MCM9: variants seen among roughly 807,000 people sequenced by gnomAD.
The protein encoded by MCM9 is minichromosome maintenance 9 homologous recombination repair factor.
In MCM9, 55 loss-of-function variants were observed where a neutral mutation model predicts 72.8. The ratio of observed to expected loss-of-function variants is 0.76; its 90% confidence interval spans 0.61 to 0.95. MCM9 has a LOEUF of 0.95. Ranked by LOEUF, MCM9 falls within the 40% of genes least tolerant of loss-of-function variation. The pLI is 0.00. For synonymous variants in MCM9, 480 were observed against 503.4 expected (o/e 0.95, Z 0.62); for missense variants, 1,279 against 1,377.0 (o/e 0.93, Z 1.13).
chr6:118,843,455 C>G (rs1775537841), intron 9 of MCM9, among the ~76,000 whole-genome samples: 1 of 150,776 alleles, frequency 6.6e-6, no homozygotes, highest in African/African-American at 2.4e-5. Context: ...ATGGCGAAAC[C>G]CTGTCTCTAC....
chr6:118,853,063 G>A (rs943790199), intron 9 of MCM9, among the ~76,000 whole-genome samples: 4 of 151,958 alleles, frequency 2.6e-5, no homozygotes, highest in Non-Finnish European at 5.9e-5. Context: ...TAAACTTCTG[G>A]GTTGTTTATA....
At position 118,815,521 on chromosome 6, in the gene MCM9, G is replaced by T; in HGVS notation, c.2735C>A (p.Pro912His). The change falls in exon 14 of 14, where the codon CCT (proline) becomes CAT (histidine). Residue 912 changes from proline (P) to histidine (H), a missense_variant. Physicochemically the swap from Pro to His is moderately conservative, Grantham distance 77. Coordinates refer to ENST00000619706, the MANE Select transcript of MCM9 (RefSeq NM_017696.3). ...VEEPAIENVK[P>H]PGSPVAKLAK... is the part of the protein sequence containing the mutation. ...CAGTTTGGCCACAGGGGAACCTGGA[G>T]GCTTAACATTTTCAATTGCAGGCTC... 6.5e-7 allele frequency: 1 copy of T among 1,548,310 alleles called. No individual in the cohort carries two copies. Among genetic ancestry groups the T allele is most frequent in the Non-Finnish European group, 8.7e-7 (1 of 1,146,386 alleles).
At chr6:118,875,092 G>A (rs1228761416) in intron 8 of MCM9, among the ~76,000 whole-genome samples, 3 of 151,836 alleles carry the variant, frequency 2.0e-5, no homozygotes, top group East Asian at 3.9e-4. Flanking sequence ...CAGCCTGGGT[G>A]ACAAGAGTGA....
intron 9 of MCM9, among the ~76,000 whole-genome samples, chr6:118,838,574 G>A (rs941310722): frequency 4.0e-5 from 6 of 151,894 alleles, no homozygotes; most frequent in African/African-American, 7.3e-5. Context: ...ACAGGCACCC[G>A]CCACCACACC....
chr6:118,922,458 C>A (rs991308965), intron 4 of MCM9, among the ~76,000 whole-genome samples: 1 of 152,172 alleles, frequency 6.6e-6, no homozygotes, highest in South Asian at 2.1e-4. Flanking sequence ...TATGATTACT[C>A]CTTAGTAACA....
rs183780212 is a variant in MCM9, at chr6:118,836,955, T to C, written c.1326-7705A>G. Among the ~76,000 whole-genome samples, 46 of 152,302 alleles carry C rather than the reference T, an allele frequency of 3.0e-4. No homozygotes were observed. The East Asian group carries it at 7.7e-3, about 26-fold the overall frequency. On this transcript the variant is annotated intron_variant, in intron 9 of 13. Coordinates refer to ENST00000619706, the MANE Select transcript of MCM9 (RefSeq NM_017696.3). ...ATAATTGCTTCTCTAGTTCTTTCAA[T>C]TGTGATGTTGGGGTGCTGAATTTAG...
chr6:118,843,639 A>T (rs1361625178), intron 9 of MCM9, among the ~76,000 whole-genome samples: 200 of 3,428 alleles, frequency 0.058, 4 homozygotes, highest in African/African-American at 0.11. Context: ...AACAAAACAA[A>T]ACATATATAT....
intron 8 of MCM9, among the ~76,000 whole-genome samples, chr6:118,892,801 T>C (rs1779034333): frequency 6.6e-6 from 1 of 152,198 alleles, no homozygotes; most frequent in Non-Finnish European, 1.5e-5. Flanking sequence ...AAAAGGGAAC[T>C]CTTCCCCACT....
At chr6:118,891,397 T>C (rs928328419) in intron 8 of MCM9, among the ~76,000 whole-genome samples, 17 of 152,196 alleles carry the variant, frequency 1.1e-4, no homozygotes, top group Admixed American at 3.3e-4. Flanking sequence ...AGAGCTGCCA[T>C]AACAAAATAT....
At chr6:118,890,480 T>A (rs1778871504) in intron 8 of MCM9, among the ~76,000 whole-genome samples, 1 of 152,218 alleles carries the variant, frequency 6.6e-6, no homozygotes, top group African/African-American at 2.4e-5. Context: ...TATTTTAACA[T>A]AACTGGTTAC....
intron 9 of MCM9, among the ~76,000 whole-genome samples, chr6:118,853,099 C>G (rs1011271722): frequency 4.6e-5 from 7 of 152,080 alleles, no homozygotes; most frequent in African/African-American, 1.7e-4. Context: ...ATGAACAAAG[C>G]TGCTATAAAC....
intron 8 of MCM9, among the ~76,000 whole-genome samples, chr6:118,864,979 G>A (rs1283343801): frequency 6.6e-6 from 1 of 152,182 alleles, no homozygotes; most frequent in Non-Finnish European, 1.5e-5. Flanking sequence ...AGTTAAAGAG[G>A]CAGACAAATA....
intron 9 of MCM9, among the ~76,000 whole-genome samples, chr6:118,846,804 C>T (rs1052236013): frequency 6.6e-6 from 1 of 151,812 alleles, no homozygotes; most frequent in Non-Finnish European, 1.5e-5. Context: ...TCCAACCTCA[C>T]CATCACCTTA....
chr6:118,830,494 C>A (rs1195712173), intron 9 of MCM9, among the ~76,000 whole-genome samples: 1 of 152,092 alleles, frequency 6.6e-6, no homozygotes, highest in African/African-American at 2.4e-5. Context: ...CTGGACAGTC[C>A]ACATCTTATA....
At position 118,815,343 on chromosome 6, in the gene MCM9, T is replaced by G; in HGVS notation, c.2913A>C (p.Pro971=). The change falls in exon 14 of 14, where the codon CCA becomes CCC. Residue 971 remains proline (P), a synonymous_variant. Coordinates refer to ENST00000619706, the MANE Select transcript of MCM9 (RefSeq NM_017696.3). ...RRDAALPVKR[P]GKLTSTPGNQ... ...TTCCTGGGGTAGATGTTAACTTTCC[T>G]GGACGCTTCACCGGCAAGGCTGCGT... The G allele has an allele frequency of 6.4e-7, 1 of 1,550,404 alleles. No individual in the cohort carries two copies. The highest frequency in any genetic ancestry group is 1.2e-5 in the South Asian group (1 of 84,034).
chr6:118,880,048 C>CA (rs1562421357), intron 8 of MCM9, among the ~76,000 whole-genome samples: 2 of 140,932 alleles, frequency 1.4e-5, no homozygotes, highest in Non-Finnish European at 3.1e-5. Context: ...AAACAAACAA[C>CA]AACAAAAAAA....
At chr6:118,859,725 T>C (rs1776787748) in intron 8 of MCM9, among the ~76,000 whole-genome samples, 1 of 152,166 alleles carries the variant, frequency 6.6e-6, no homozygotes, top group South Asian at 2.1e-4. Flanking sequence ...AAATCTACTC[T>C]TGCTTCTGGC....
In MCM9 at chr6:118,815,506, ACAGGGGAAC is replaced by A. The variant is rs1773355003; in HGVS notation, c.2741_2749del (p.Gly914_Pro916del). 1 of 1,547,912 alleles carries A rather than the reference ACAGGGGAAC, an allele frequency of 6.5e-7. No homozygotes were observed. Among genetic ancestry groups the A allele is most frequent in the African/African-American group, 1.4e-5 (1 of 72,942 alleles). Reference sequence around the variant, plus strand: ...GAAAGTAAATTTTGCCAGTTTGGCCACAGGGGAACCTGGAGGCTTAACATTTTCAATTGC... The same window carrying A: ...GAAAGTAAATTTTGCCAGTTTGGCCACTGGAGGCTTAACATTTTCAATTGC... On this transcript the variant is annotated inframe_deletion, in exon 14 of 14. Transcript: ENST00000619706.
intron 9 of MCM9, among the ~76,000 whole-genome samples, chr6:118,835,514 C>T (rs914150158): frequency 9.9e-5 from 15 of 152,148 alleles, no homozygotes; most frequent in Non-Finnish European, 5.9e-5. Context: ...TTTCTGTCCT[C>T]TCTTATTTCC....
Sources: allele counts gnomAD v4.1 joint callset (sites outside exome capture counted in the v4.1 genomes callset), GRCh38; gene constraint gnomAD v4.1.1; transcripts MANE v1.5; gene names NCBI Gene and HGNC (gene_info 2026-07-23, HGNC 2026-07-21).